Variants in PEPD observed in about 807,000 individuals in gnomAD.
The protein encoded by PEPD is peptidase D.
In PEPD, 53 loss-of-function variants were observed where a neutral mutation model predicts 60.7. That is an observed-to-expected ratio of 0.87 (90% CI 0.70 to 1.10). The LOEUF (loss-of-function observed/expected upper bound fraction) is 1.10. Ranked by LOEUF, PEPD falls within the 50% of genes least tolerant of loss-of-function variation. The pLI is 0.00. For missense variants in PEPD, 711 were observed against 711.9 expected (o/e 1.00, Z 0.01); for synonymous variants, 267 against 284.1 (o/e 0.94, Z 0.60).
chr19:33,512,321 C>T (rs1970942049), intron 2 of PEPD, among the ~76,000 whole-genome samples: 2 of 152,206 alleles, frequency 1.3e-5, no homozygotes, highest in African/African-American at 2.4e-5. Flanking sequence ...TGGGTGTCCT[C>T]ATGTTCCTGT....
chr19:33,462,942 T>A, intron 9 of PEPD, 53 bp downstream of exon 9: 1 of 1,144,070 alleles, frequency 8.7e-7, no homozygotes, highest in Non-Finnish European at 1.3e-6. Flanking sequence ...TCAGGGAACA[T>A]AAATTACTGT....
intron 6 of PEPD, among the ~76,000 whole-genome samples, chr19:33,480,462 G>A (rs1970292697): frequency 6.6e-6 from 1 of 152,092 alleles, no homozygotes; most frequent in Non-Finnish European, 1.5e-5. Flanking sequence ...ATCTACTTTC[G>A]GTAATGAATA....
At chr19:33,388,127 C>T (rs944819317) in intron 13 of PEPD, 46 bp from the exon 14 acceptor site, 13 of 1,487,006 alleles carry the variant, frequency 8.7e-6, no homozygotes, top group Non-Finnish European at 1.2e-5. Flanking sequence ...CTCCAGGGCT[C>T]ACCGTGGCCT....
intron 3 of PEPD, 122 bp from the exon 4 acceptor site, chr19:33,501,123 C>A: frequency 1.3e-6 from 1 of 744,874 alleles, no homozygotes. Context: ...GGTCAGCACC[C>A]AGCACCCAGC....
At chr19:33,404,931 C>T (rs527907549) in intron 11 of PEPD, among the ~76,000 whole-genome samples, 7 of 152,352 alleles carry the variant, frequency 4.6e-5, no homozygotes, top group Non-Finnish European at 7.3e-5. Flanking sequence ...CGCTCCTCTG[C>T]GTCCACTTCA....
chr19:33,436,574 G>A (rs1969381708), intron 9 of PEPD, among the ~76,000 whole-genome samples: 1 of 152,340 alleles, frequency 6.6e-6, no homozygotes. Flanking sequence ...AGAAGAAGAT[G>A]TTTAGGTCCT....
intron 9 of PEPD, among the ~76,000 whole-genome samples, chr19:33,424,901 C>T (rs1356328250): frequency 6.6e-6 from 1 of 152,080 alleles, no homozygotes; most frequent in Non-Finnish European, 1.5e-5. Context: ...GACTTATTTA[C>T]TACCATGAGA....
chr19:33,521,594 C>T (rs1490735050), intron 1 of PEPD, 150 bp downstream of exon 1: 1 of 860,762 alleles, frequency 1.2e-6, no homozygotes, highest in Non-Finnish European at 1.9e-6. Context: ...TGCAGCTCGC[C>T]GACCGGCGCT....
intron 6 of PEPD, among the ~76,000 whole-genome samples, chr19:33,481,448 C>T (rs899358872): frequency 2.6e-5 from 4 of 152,040 alleles, no homozygotes; most frequent in African/African-American, 9.7e-5. Context: ...TGCCTGTAGT[C>T]CCAGCTACTC....
intron 9 of PEPD, among the ~76,000 whole-genome samples, chr19:33,441,848 T>A (rs1568473071): frequency 6.6e-6 from 1 of 152,230 alleles, no homozygotes; most frequent in Non-Finnish European, 1.5e-5. Flanking sequence ...TAGGTATTTG[T>A]CCTTTTTATG....
chr19:33,506,456 C>T (rs534225134), intron 3 of PEPD, among the ~76,000 whole-genome samples: 1 of 146,784 alleles, frequency 6.8e-6, no homozygotes, highest in African/African-American at 2.5e-5. Flanking sequence ...CACACTCACA[C>T]CCACCACACC....
At chr19:33,497,571 T>A (rs138166006) in intron 4 of PEPD, among the ~76,000 whole-genome samples, 289 of 152,344 alleles carry the variant, frequency 1.9e-3, no homozygotes, top group African/African-American at 6.5e-3. Flanking sequence ...TGACCAGCCA[T>A]GGCACTGGAG....
chr19:33,490,020 T>G lies in PEPD; in HGVS notation c.479A>C (p.Glu160Ala). Residue 160 changes from glutamate to alanine, a missense_variant, in exon 6 of 15, where the codon GAG becomes GCG. Coordinates refer to ENST00000244137, the MANE Select transcript of PEPD (RefSeq NM_000285.4). ...VNTDSGSVCR[E>A]ASFDGISKFE... Reference sequence around the variant, plus strand: ...CTTGCTGATGCCGTCAAAGGAGGCCTCCCTGCAGACACTGCCGCTGTCCGT... The same window carrying G: ...CTTGCTGATGCCGTCAAAGGAGGCCGCCCTGCAGACACTGCCGCTGTCCGT... 6.2e-7 allele frequency: 1 copy of G among 1,611,450 alleles called. No homozygotes were observed. The highest frequency in any genetic ancestry group is 1.3e-5 in the African/African-American group (1 of 74,980).
chr19:33,460,286 C>A (rs1383695057), intron 9 of PEPD, among the ~76,000 whole-genome samples: 1 of 152,194 alleles, frequency 6.6e-6, no homozygotes, highest in East Asian at 1.9e-4. Context: ...CAAGAAGGCG[C>A]CTCCAGGCTC....
At chr19:33,424,769 A>T (rs1276059055) in intron 9 of PEPD, among the ~76,000 whole-genome samples, 1 of 152,200 alleles carries the variant, frequency 6.6e-6, no homozygotes, top group East Asian at 1.9e-4. Context: ...GTGGCTTGGG[A>T]GGCCTCACAA....
chr19:33,437,121 G>A (rs982532343), intron 9 of PEPD, among the ~76,000 whole-genome samples: 2 of 152,084 alleles, frequency 1.3e-5, no homozygotes, highest in Admixed American at 6.5e-5. Context: ...CACGGCCCAG[G>A]AGCCTAAAGA....
chr19:33,470,298 C>A (rs574895651), intron 7 of PEPD, among the ~76,000 whole-genome samples: 114 of 152,226 alleles, frequency 7.5e-4, no homozygotes, highest in Non-Finnish European at 1.2e-3. Flanking sequence ...GGCTTCCCCT[C>A]GTTTCCAGTG....
chr19:33,397,180 C>T (rs990605183), intron 12 of PEPD, among the ~76,000 whole-genome samples: 19 of 152,302 alleles, frequency 1.2e-4, no homozygotes, highest in African/African-American at 4.6e-4. Context: ...CCTTCCTCGC[C>T]GACTGTGAAT....
intron 12 of PEPD, among the ~76,000 whole-genome samples, chr19:33,393,033 G>A (rs1233757849): frequency 6.6e-6 from 1 of 152,138 alleles, no homozygotes; most frequent in Non-Finnish European, 1.5e-5. Flanking sequence ...AGCCACGGCA[G>A]CAGCCTAAGG....
Sources: gnomAD v4.1 joint callset for allele counts (sites outside exome capture counted in the v4.1 genomes callset) on GRCh38, gnomAD v4.1.1 for gene constraint, MANE v1.5 for transcripts, NCBI Gene and HGNC (gene_info 2026-07-23, HGNC 2026-07-21) for gene names.